DMD: variants seen among roughly 807,000 people sequenced by gnomAD.
The protein encoded by DMD is dystrophin.
DMD carries 63 observed loss-of-function variants against 330.1 expected under a neutral mutation model. That is an observed-to-expected ratio of 0.19 (90% CI 0.16 to 0.24). The LOEUF is 0.24. DMD is among the 10% of genes least tolerant of loss of function. The pLI, the probability that DMD is intolerant of heterozygous loss-of-function variation, is 1.00. For synonymous variants in DMD, 1,223 were observed against 959.8 expected (o/e 1.27, Z -5.07); for missense variants, 3,344 against 2,684.1 (o/e 1.25, Z -5.43).
chrX:31,479,716 T>C (rs2068096359), intron 57 of DMD, among the ~76,000 whole-genome samples: 1 of 112,422 alleles, frequency 8.9e-6, no homozygotes, highest in Admixed American at 9.4e-5. Context: ...GATGTAGGAA[T>C]TGCGGACACT....
chrX:31,627,954 A>C, intron 54 of DMD, 92 bp from the exon 55 acceptor site: 3 of 837,134 alleles, frequency 3.6e-6, no homozygotes, highest in Non-Finnish European at 5.2e-6. Context: ...GAGGAACTAA[A>C]TTGTAATATA....
chrX:32,808,022 G>A lies in DMD; in HGVS notation c.649+1471C>T, dbSNP rs188359307. On this transcript the variant is annotated intron_variant, in intron 7 of 78. Coordinates refer to ENST00000357033, the MANE Select transcript of DMD (RefSeq NM_004006.3). ...TCTTTATCCTCAGAGGTTGAAGTCC[G>A]TATTTTCATTATGTCTGCCCTTTCT... is the stretch of plus-strand genomic sequence containing the variant. Among the ~76,000 whole-genome samples the A allele has an allele frequency of 4.5e-5, 5 of 111,585 alleles. 1 individual carries two copies. The East Asian group carries it at 8.5e-4, about 19-fold the overall frequency.
At position 32,348,391 on chromosome X, in the gene DMD, T is replaced by C. The variant is rs763476865; in HGVS notation, c.5448+15A>G. On this transcript the variant is annotated intron_variant, in intron 38 of 78. Transcript: ENST00000357033. ...CACTCCTAGTTCATTCACACTTTTA[T>C]CACAACCAATTTACCATATCTTTAT... 16 of 1,205,461 alleles carry C rather than the reference T, an allele frequency of 1.3e-5. No homozygotes were observed. Among genetic ancestry groups the C allele is most frequent in the Non-Finnish European group, 1.6e-5 (14 of 890,678 alleles).
chrX:32,733,961 T>C (rs1413469542), intron 7 of DMD, among the ~76,000 whole-genome samples: 21 of 105,019 alleles, frequency 2.0e-4, no homozygotes, highest in African/African-American at 6.3e-4. Context: ...TTCAAAAAAT[T>C]AATGAATCCA....
At chrX:32,109,147 T>A (rs2096577887) in intron 44 of DMD, among the ~76,000 whole-genome samples, 1 of 111,970 alleles carries the variant, frequency 8.9e-6, no homozygotes, top group Non-Finnish European at 1.9e-5. Flanking sequence ...TAAAATTTCA[T>A]GTTATTTGAT....
intron 16 of DMD, 126 bp from the exon 17 acceptor site, chrX:32,545,460 A>C: frequency 1.5e-6 from 1 of 654,909 alleles, no homozygotes; most frequent in Non-Finnish European, 2.4e-6. Flanking sequence ...TTCAGATCAA[A>C]ATAGCACCAT....
intron 54 of DMD, among the ~76,000 whole-genome samples, chrX:31,628,955 TGTGGATA>T (rs2148432431): frequency 9.7e-6 from 1 of 102,824 alleles, no homozygotes; most frequent in African/African-American, 3.6e-5. Context: ...ATGCATGTAT[TGTGGATA>T]CACACACATA....
chrX:32,103,552 C>T (rs765754376), intron 44 of DMD, among the ~76,000 whole-genome samples: 2 of 111,919 alleles, frequency 1.8e-5, no homozygotes, highest in African/African-American at 6.5e-5. Context: ...TTGATCACTC[C>T]GTACACTGAA....
At chrX:33,223,491 C>G (rs780612623) in intron 1 of DMD, among the ~76,000 whole-genome samples, 7 of 112,287 alleles carry the variant, frequency 6.2e-5, no homozygotes, top group African/African-American at 1.9e-4. Context: ...AGTCAACTGA[C>G]TGATGTTTGA....
chrX:32,692,764 T>G (rs1407270326), intron 9 of DMD, among the ~76,000 whole-genome samples: 1 of 111,877 alleles, frequency 8.9e-6, no homozygotes, highest in Non-Finnish European at 1.9e-5. Flanking sequence ...AGGCTATCTC[T>G]TCTCATAAAA....
At chrX:31,293,186 G>C (rs2053853162) in intron 62 of DMD, among the ~76,000 whole-genome samples, 1 of 87,462 alleles carries the variant, frequency 1.1e-5, no homozygotes, top group Non-Finnish European at 2.1e-5. Context: ...GTGTGTGTGT[G>C]TGTGTGTAGT....
At chrX:32,496,579 CAT>C (rs1405441478) in intron 19 of DMD, among the ~76,000 whole-genome samples, 6 of 112,110 alleles carry the variant, frequency 5.4e-5, no homozygotes, top group African/African-American at 1.3e-4. Context: ...GATTTTTACT[CAT>C]ATTTGTTTTG....
chrX:31,957,607 T>C (rs766819561), intron 45 of DMD, among the ~76,000 whole-genome samples: 1 of 112,174 alleles, frequency 8.9e-6, no homozygotes, highest in African/African-American at 3.2e-5. Flanking sequence ...TATAGTACTT[T>C]CATTTTACAA....
At chrX:31,505,768 G>T (rs1050190304) in intron 56 of DMD, among the ~76,000 whole-genome samples, 2 of 110,987 alleles carry the variant, frequency 1.8e-5, no homozygotes, top group African/African-American at 6.6e-5. Context: ...TGAGTAGCTG[G>T]GACTACAGGC....
At chrX:32,534,358 G>T (rs1320225234) in intron 17 of DMD, among the ~76,000 whole-genome samples, 1 of 111,182 alleles carries the variant, frequency 9.0e-6, no homozygotes, top group African/African-American at 3.3e-5. Flanking sequence ...ATCCCTCACG[G>T]CTTAGTGCTG....
intron 47 of DMD, among the ~76,000 whole-genome samples, chrX:31,907,821 G>C (rs1006373736): frequency 1.8e-5 from 2 of 112,191 alleles, no homozygotes; most frequent in African/African-American, 6.5e-5. Context: ...CTACCCATCT[G>C]ACAAAGGGCT....
intron 52 of DMD, among the ~76,000 whole-genome samples, chrX:31,694,657 CAT>C (rs2083341050): frequency 1.2e-5 from 1 of 80,054 alleles, no homozygotes; most frequent in African/African-American, 5.1e-5. Context: ...TATACACACA[CAT>C]ATATGTATAA....
chrX:33,055,466 T>C (rs1375002327), intron 1 of DMD, among the ~76,000 whole-genome samples: 2 of 112,184 alleles, frequency 1.8e-5, no homozygotes, highest in East Asian at 2.8e-4. Context: ...TATTTGTTAC[T>C]ACAGGCAACA....
At position 32,468,836 on chromosome X, in the gene DMD, T is replaced by C. The variant is rs906172466; in HGVS notation, c.2950-126A>G. The C allele has an allele frequency of 5.3e-5, 30 of 567,989 alleles. No individual in the cohort carries two copies. The East Asian group carries it at 1.1e-3, about 20-fold the overall frequency. The allele number at this position is 567,989 out of a possible 1,213,427, so 46.8% of individuals were successfully genotyped here. A position where few individuals can be genotyped will look rare whatever the true frequency, so the allele number is the denominator to read the frequency against. On this transcript the variant is annotated intron_variant, in intron 22 of 78. Transcript: ENST00000357033. ...TGTAAACAAAGTAGATGATCTTCTA[T>C]CAGTTATAAACTTCTAGTGGTAATT... is the stretch of plus-strand genomic sequence containing the variant.
Sources: gnomAD v4.1 joint callset for allele counts (sites outside exome capture counted in the v4.1 genomes callset) on GRCh38, gnomAD v4.1.1 for gene constraint, MANE v1.5 for transcripts, NCBI Gene and HGNC (gene_info 2026-07-23, HGNC 2026-07-21) for gene names.